The following RHOBTB2 variants were observed in gnomAD, a reference collection of about 807,000 sequenced individuals.
The protein encoded by RHOBTB2 is Rho related BTB domain containing 2.
In RHOBTB2, 39 loss-of-function variants were observed where a neutral mutation model predicts 66.5. The observed-to-expected ratio is 0.59, with a 90% CI of 0.45 to 0.77. The LOEUF is 0.77. RHOBTB2 is among the 30% of genes least tolerant of loss of function. RHOBTB2 has a pLI of 0.00. For missense variants in RHOBTB2, 755 were observed against 999.1 expected, an observed-to-expected ratio of 0.76 and a Z score of 3.29; for synonymous variants, 390 against 395.0, an observed-to-expected ratio of 0.99 and a Z score of 0.15.
At chr8:22,978,613 A>G in the RHOBTB2 span, among the ~76,000 whole-genome samples, 1 of 150,700 alleles carries the variant, frequency 6.6e-6, no homozygotes, top group Non-Finnish European at 1.5e-5. Context: ...GCAAACATTT[A>G]CAATAAGAAG....
the RHOBTB2 span, among the ~76,000 whole-genome samples, chr8:22,969,892 C>T: frequency 3.3e-5 from 5 of 152,112 alleles, no homozygotes; most frequent in African/African-American, 1.2e-4. Context: ...GCTGGGACTA[C>T]AGGCATGTGT....
chr8:22,961,963 G>T, the RHOBTB2 span, among the ~76,000 whole-genome samples: 1 of 151,990 alleles, frequency 6.6e-6, no homozygotes, highest in Non-Finnish European at 1.5e-5. Context: ...AAAAAAAATA[G>T]ATACATCTGA....
In RHOBTB2 at chr8:23,017,044, T is replaced by G. The variant is rs1287779541; in HGVS notation, c.1967-208T>G. The stretch of plus-strand genomic sequence containing the variant: ...GCCCGTCTTTGGAAAGGAACCCAGC[T>G]GGAAAGGCCTTCCCCAGTGCTGACT... On this transcript the variant is annotated intron_variant, in intron 9 of 9. Coordinates refer to ENST00000251822, the MANE Select transcript of RHOBTB2 (RefSeq NM_015178.3). The surrounding 1 kb of genome is among the most constrained non-coding windows in gnomAD (Gnocchi z 5.3). 6.6e-6 allele frequency among the ~76,000 whole-genome samples: 1 copy of G among 152,196 alleles called. No individual in the cohort carries two copies. The highest frequency in any genetic ancestry group is 1.5e-5 in the Non-Finnish European group (1 of 68,042).
intron 3 of RHOBTB2, among the ~76,000 whole-genome samples, 158 bp from the exon 4 acceptor site, chr8:23,005,802 A>C (rs1810930039): frequency 2.0e-5 from 3 of 152,214 alleles, no homozygotes; most frequent in Admixed American, 6.5e-5. Flanking sequence ...TGGCACATAA[A>C]TTGGAGGTAT....
At chr8:22,968,788 A>AC in the RHOBTB2 span, among the ~76,000 whole-genome samples, 6 of 53,204 alleles carry the variant, frequency 1.1e-4, no homozygotes, top group African/African-American at 7.0e-4. Flanking sequence ...CTGACTATTA[A>AC]TAAAAAAAAT....
chr8:22,986,266 T>C (rs1190902760), upstream of RHOBTB2, among the ~76,000 whole-genome samples: 2 of 39,544 alleles, frequency 5.1e-5, no homozygotes, highest in East Asian at 7.9e-4. Flanking sequence ...AGTGCATTGC[T>C]TTTTTTTTTT....
At chr8:23,016,659 G>A (rs1002907583) in intron 9 of RHOBTB2, among the ~76,000 whole-genome samples, 1 of 152,100 alleles carries the variant, frequency 6.6e-6, no homozygotes, top group African/African-American at 2.4e-5. Flanking sequence ...CAATTTGCCT[G>A]CCTCGGCCTC....
At chr8:22,984,468 A>G (rs1810259074), upstream of RHOBTB2, 1 of 152,232 alleles carries the variant, frequency 6.6e-6, no homozygotes, top group African/African-American at 2.4e-5. Context: ...CGCACCATAT[A>G]TTACATCATT....
At chr8:22,974,572 G>A in the RHOBTB2 span, among the ~76,000 whole-genome samples, 1 of 152,184 alleles carries the variant, frequency 6.6e-6, no homozygotes, top group Admixed American at 6.5e-5. Flanking sequence ...TTAGACCTTA[G>A]TCACTGCCAC....
Position 22,999,728 on chromosome 8 carries a change from C to G in RHOBTB2, c.-388C>G, listed in dbSNP as rs1272457204. ...TCGCGGCAGCGCCTTCGCCGCGGGC[C>G]CGGGCGCGTAGCGGCGGCGGCCTCG... On this transcript the variant is annotated 5_prime_UTR_variant, in exon 1 of 10. Transcript: ENST00000251822. 3 of 1,099,612 alleles carry G rather than the reference C, an allele frequency of 2.7e-6. No individual in the cohort carries two copies. The highest frequency in any genetic ancestry group is 3.4e-6 in the Non-Finnish European group (3 of 895,356). 68.1% of individuals were successfully genotyped at this position (1,099,612 alleles called of 1,614,324 possible). A position where few individuals can be genotyped will look rare whatever the true frequency, so the allele number is the denominator to read the frequency against.
chr8:22,955,867 GA>G, the RHOBTB2 span, among the ~76,000 whole-genome samples: 1 of 152,180 alleles, frequency 6.6e-6, no homozygotes. Flanking sequence ...ACTGTACCCA[GA>G]CACTCAACAA....
upstream of RHOBTB2, among the ~76,000 whole-genome samples, chr8:22,986,204 T>G (rs1405929782): frequency 6.7e-6 from 1 of 150,070 alleles, no homozygotes; most frequent in Non-Finnish European, 1.5e-5. Context: ...TGGTAAGGGG[T>G]TGCCAGGGAA....
At position 23,008,042 on chromosome 8, in the gene RHOBTB2, G is replaced by A. The variant is rs771981911; in HGVS notation, c.1551G>A (p.Leu517=). The A allele has an allele frequency of 6.2e-7, 1 of 1,613,658 alleles. No homozygotes were observed. The highest frequency in any genetic ancestry group is 1.3e-5 in the African/African-American group (1 of 74,890). The change falls in exon 6 of 10, where the codon CTG becomes CTA. Residue 517 remains leucine (L), a synonymous_variant. Transcript: ENST00000251822. ...DDGTISAHKP[L]LISSCDWMAA... is the part of the protein sequence containing the mutation. ...GCACCATCAGCGCCCACAAGCCCCT[G>A]TTGATTTCCAGCTGTGACTGGATGG...
intron 1 of RHOBTB2, among the ~76,000 whole-genome samples, chr8:23,001,857 A>G (rs1465204848): frequency 6.6e-6 from 1 of 152,166 alleles, no homozygotes; most frequent in Non-Finnish European, 1.5e-5. Flanking sequence ...TGGGGAATGG[A>G]TGGAAGGGGT....
At chr8:23,001,180 A>G (rs1810768025) in intron 1 of RHOBTB2, among the ~76,000 whole-genome samples, 2 of 152,144 alleles carry the variant, frequency 1.3e-5, no homozygotes, top group Admixed American at 6.6e-5. Context: ...TGCGATTGTC[A>G]TGGAAGAGGA....
the RHOBTB2 span, among the ~76,000 whole-genome samples, chr8:22,969,385 A>G: frequency 6.6e-6 from 1 of 152,258 alleles, no homozygotes; most frequent in African/African-American, 2.4e-5. Flanking sequence ...AATAATATTG[A>G]CAACAGATGA....
chr8:22,968,025 G>A, the RHOBTB2 span, among the ~76,000 whole-genome samples: 3 of 151,996 alleles, frequency 2.0e-5, no homozygotes, highest in Admixed American at 6.6e-5. Context: ...GCAAGGTGGT[G>A]CGCGCCTGTA....
Position 23,007,433 on chromosome 8 carries a change from C to A in RHOBTB2, c.1188C>A (p.Ile396=). The change falls in exon 5 of 10, where the codon ATC becomes ATA. Residue 396 remains isoleucine, a synonymous_variant. Coordinates refer to ENST00000251822, the MANE Select transcript of RHOBTB2 (RefSeq NM_015178.3). ...LSSWSRAFVS[I]QEEMAEDPLT... ...CCTGGAGCCGAGCTTTTGTGAGCATCCAGGAAGAGATGGCAGAAGATCCTC... is the reference window on the plus strand; with the variant it reads ...CCTGGAGCCGAGCTTTTGTGAGCATACAGGAAGAGATGGCAGAAGATCCTC... 3 of 1,614,126 alleles carry A rather than the reference C, an allele frequency of 1.9e-6. No individual in the cohort carries two copies. The highest frequency in any genetic ancestry group is 2.5e-6 in the Non-Finnish European group (3 of 1,180,030).
chr8:23,006,464 T>C lies in RHOBTB2; in HGVS notation c.483-264T>C. On this transcript the variant is annotated intron_variant, in intron 4 of 9. Transcript: ENST00000251822. The surrounding 1 kb of genome is among the most constrained non-coding windows in gnomAD (Gnocchi z 6.1). ...TTAAATACCCATGTGAAGCATTGCC[T>C]GCTAATTGCCAGAGAGGCAGTGCTG... The C allele has an allele frequency of 1.8e-6, 1 of 566,014 alleles. No homozygotes were observed. The highest frequency in any genetic ancestry group is 2.4e-5 in the South Asian group (1 of 41,330). 35.1% of individuals were successfully genotyped at this position (566,014 alleles called of 1,614,324 possible).
Sources: allele counts gnomAD v4.1 joint callset (sites outside exome capture counted in the v4.1 genomes callset), GRCh38; gene constraint gnomAD v4.1.1; non-coding constraint Gnocchi (gnomAD v3.1); transcripts MANE v1.5; gene names NCBI Gene and HGNC (gene_info 2026-07-23, HGNC 2026-07-21).